AFF1: variants seen among roughly 807,000 people sequenced by gnomAD.
AFF1 encodes the protein ALF transcription elongation factor 1.
A neutral mutation model predicts 121.7 loss-of-function variants in AFF1; 48 were observed. That is an observed-to-expected ratio of 0.39 (90% confidence interval 0.31 to 0.50). The LOEUF (loss-of-function observed/expected upper bound fraction) is 0.50, where lower values mean the gene tolerates loss of function less well. Ranked by LOEUF, AFF1 falls within the 20% of genes least tolerant of loss-of-function variation. The pLI, the probability that AFF1 is intolerant of heterozygous loss-of-function variation, is 0.76. For synonymous variants in AFF1, 613 were observed against 563.0 expected (o/e 1.09, Z -1.26); for missense variants, 1,523 against 1,511.7 (o/e 1.01, Z -0.12).
chr4:87,086,031 A>G (rs1482410702), intron 5 of AFF1, among the ~76,000 whole-genome samples: 1 of 152,162 alleles, frequency 6.6e-6, no homozygotes, highest in Admixed American at 6.5e-5. Context: ...GAGCCACCGT[A>G]CCTGGCTGAG....
At position 86,974,858 on chromosome 4, in the gene AFF1, T is replaced by G. The variant is rs367925500; in HGVS notation, c.38+26287T>G. ...TTGTCGGTTTGTGGTGAAGGTATTT[T>G]GCCATCGTTTCTGGTTTCAAATTCT... is the stretch of plus-strand genomic sequence containing the variant. On this transcript the variant is annotated intron_variant, in intron 2 of 20. Coordinates refer to ENST00000395146, the MANE Select transcript of AFF1 (RefSeq NM_001166693.3). Among the ~76,000 whole-genome samples, 3 of 152,204 alleles carry G rather than the reference T, an allele frequency of 2.0e-5. No homozygotes were observed. The East Asian group carries it at 5.8e-4, about 29-fold the overall frequency.
At chr4:87,131,994 T>C in intron 18 of AFF1, 130 bp downstream of exon 18, 2 of 871,470 alleles carry the variant, frequency 2.3e-6, no homozygotes, top group Non-Finnish European at 3.4e-6. Context: ...GGTCAAAAGG[T>C]TAATCCCTCA....
chr4:86,987,772 G>A lies in AFF1; in HGVS notation c.38+39201G>A, dbSNP rs553283163. Among the ~76,000 whole-genome samples, 11 of 152,220 alleles carry A rather than the reference G, an allele frequency of 7.2e-5. No individual in the cohort carries two copies. The East Asian group carries it at 2.1e-3, about 29-fold the overall frequency. The stretch of plus-strand genomic sequence containing the variant: ...GTTTGAGACCAGCCTGGCCAACATA[G>A]TGAAACCCCATCTCTACTAAAAATA... On this transcript the variant is annotated intron_variant, in intron 2 of 20. Coordinates refer to ENST00000395146, the MANE Select transcript of AFF1 (RefSeq NM_001166693.3).
In AFF1 at chr4:87,137,083, C is replaced by G. The variant is rs1729359792; in HGVS notation, c.*1382C>G. ...CATGTGCCCATAAGCACAGATTTTTCTTTTTCATTGAAACTTTAAAGGTTA... is the reference window on the plus strand; with the variant it reads ...CATGTGCCCATAAGCACAGATTTTTGTTTTTCATTGAAACTTTAAAGGTTA... On this transcript the variant is annotated 3_prime_UTR_variant, in exon 21 of 21. Coordinates refer to ENST00000395146, the MANE Select transcript of AFF1 (RefSeq NM_001166693.3). 1 of 224,604 alleles carries G rather than the reference C, an allele frequency of 4.5e-6. No homozygotes were observed. Among genetic ancestry groups the G allele is most frequent in the African/African-American group, 2.2e-5 (1 of 44,818 alleles). The allele number at this position is 224,604 out of a possible 1,614,324, so 13.9% of individuals were successfully genotyped here. A position where few individuals can be genotyped will look rare whatever the true frequency, so the allele number is the denominator to read the frequency against.
At chr4:87,051,420 T>C (rs1053492140) in intron 4 of AFF1, among the ~76,000 whole-genome samples, 2 of 151,908 alleles carry the variant, frequency 1.3e-5, no homozygotes, top group Non-Finnish European at 2.9e-5. Context: ...TTTTTCTTTT[T>C]TTTTTTTTTA....
At chr4:87,059,901 A>G (rs995362806) in intron 4 of AFF1, among the ~76,000 whole-genome samples, 1 of 152,212 alleles carries the variant, frequency 6.6e-6, no homozygotes. Context: ...CTTTGTGTTT[A>G]GCACAGGTGA....
At chr4:87,036,601 A>T (rs1277631748) in intron 2 of AFF1, among the ~76,000 whole-genome samples, 1 of 152,182 alleles carries the variant, frequency 6.6e-6, no homozygotes, top group Non-Finnish European at 1.5e-5. Context: ...CCAACCACAC[A>T]GTTTTCCTTA....
intron 4 of AFF1, among the ~76,000 whole-genome samples, chr4:87,069,258 G>T (rs1460804933): frequency 2.7e-5 from 4 of 145,474 alleles, no homozygotes; most frequent in African/African-American, 1.0e-4. Context: ...AGGTGGCGTG[G>T]TGTGTGTGGC....
chr4:87,009,315 ACTT>A (rs1181039985), intron 2 of AFF1, among the ~76,000 whole-genome samples: 1 of 152,214 alleles, frequency 6.6e-6, no homozygotes, highest in Non-Finnish European at 1.5e-5. Flanking sequence ...TGCTTTGCAC[ACTT>A]CCTCCCTTAT....
intron 1 of AFF1, among the ~76,000 whole-genome samples, chr4:86,943,558 G>A (rs1317865641): frequency 6.6e-6 from 1 of 152,186 alleles, no homozygotes; most frequent in Admixed American, 6.5e-5. Context: ...TGCTTGCTCT[G>A]TTTGTCCAGT....
chr4:87,108,689 G>A (rs1040460564), intron 11 of AFF1, among the ~76,000 whole-genome samples: 12 of 152,252 alleles, frequency 7.9e-5, no homozygotes, highest in East Asian at 1.9e-4. Context: ...AGAATTCTTC[G>A]TGAAATTTTA....
intron 4 of AFF1, among the ~76,000 whole-genome samples, chr4:87,054,388 T>TGG (rs1719879293): frequency 6.6e-6 from 1 of 152,178 alleles, no homozygotes; most frequent in African/African-American, 2.4e-5. Context: ...AGAGTAGCCT[T>TGG]GGGAGAAGCA....
chr4:87,135,793 A>G lies in AFF1; in HGVS notation c.*92A>G. On this transcript the variant is annotated 3_prime_UTR_variant, in exon 21 of 21. Transcript: ENST00000395146. ...CAGACATTTGTTTCATCAGGACACCAAACTCTAAAAAAGAAGCACCACGAG... is the reference window on the plus strand; with the variant it reads ...CAGACATTTGTTTCATCAGGACACCGAACTCTAAAAAAGAAGCACCACGAG... The G allele has an allele frequency of 7.0e-7, 1 of 1,431,888 alleles. No homozygotes were observed. The highest frequency in any genetic ancestry group is 9.2e-7 in the Non-Finnish European group (1 of 1,084,396). 88.7% of individuals were successfully genotyped at this position (1,431,888 alleles called of 1,614,324 possible). A position where few individuals can be genotyped will look rare whatever the true frequency, so the allele number is the denominator to read the frequency against.
intron 2 of AFF1, among the ~76,000 whole-genome samples, chr4:87,026,061 CTTTT>C (rs34793575): frequency 9.1e-6 from 1 of 109,736 alleles, no homozygotes; most frequent in African/African-American, 3.6e-5. Context: ...AGAGACCATG[CTTTT>C]TTTTTTTTTT....
intron 2 of AFF1, among the ~76,000 whole-genome samples, chr4:86,996,621 A>G (rs1725229990): frequency 5.3e-5 from 8 of 149,656 alleles, no homozygotes; most frequent in Admixed American, 2.0e-4. Flanking sequence ...TAGGAAAACC[A>G]GAGACCTTTG....
rs199913033 is a variant in AFF1 at position 87,126,220 on chromosome 4, T to C, written c.2695T>C (p.Cys899Arg). 2 of 1,614,088 alleles carry C rather than the reference T, an allele frequency of 1.2e-6. No individual in the cohort carries two copies. Among genetic ancestry groups the C allele is most frequent in the African/African-American group, 2.7e-5 (2 of 75,002 alleles). ...LKRSRREADT[C>R]GQDPPKSASS... ...GAGGTCAAGGCGGGAAGCAGACACC[T>C]GTGGCCAGGACCCTCCCAAAAGTGC... The change falls in exon 14 of 21, where the codon TGT becomes CGT. Residue 899 changes from cysteine to arginine, a missense_variant. Cys to Arg is a radical substitution (Grantham distance 180). Transcript: ENST00000395146.
chr4:87,005,219 T>A (rs1171282504), intron 2 of AFF1, among the ~76,000 whole-genome samples: 2 of 152,228 alleles, frequency 1.3e-5, no homozygotes, highest in African/African-American at 4.8e-5. Context: ...GCTTAAGCGA[T>A]CTGCCTGCCT....
At chr4:87,000,764 C>T (rs1725644227) in intron 2 of AFF1, among the ~76,000 whole-genome samples, 1 of 151,542 alleles carries the variant, frequency 6.6e-6, no homozygotes, top group South Asian at 2.1e-4. Context: ...TTTATTAATG[C>T]ACAAATAGGA....
At chr4:87,014,076 T>G (rs1383601269) in intron 2 of AFF1, among the ~76,000 whole-genome samples, 1 of 152,146 alleles carries the variant, frequency 6.6e-6, no homozygotes, top group Non-Finnish European at 1.5e-5. Context: ...TCCATAAAAT[T>G]TATCCTTATA....
Sources: gnomAD v4.1 joint callset for allele counts (sites outside exome capture counted in the v4.1 genomes callset) on GRCh38, gnomAD v4.1.1 for gene constraint, MANE v1.5 for transcripts, NCBI Gene and HGNC (gene_info 2026-07-23, HGNC 2026-07-21) for gene names.